Variants in LOXHD1 observed in about 807,000 individuals in gnomAD.
LOXHD1 encodes the protein lipoxygenase homology PLAT domains 1, also known as lipoxygenase homology domain-containing protein 1.
A neutral mutation model predicts 248.2 loss-of-function variants in LOXHD1; 205 were observed. The observed-to-expected ratio is 0.83, with a 90% CI of 0.74 to 0.93. The LOEUF (loss-of-function observed/expected upper bound fraction) is 0.93, where lower values mean the gene tolerates loss of function less well. Among genes scored for constraint, LOXHD1 ranks in the 40% least tolerant of loss-of-function variants. LOXHD1 has a pLI of 0.00. For synonymous variants in LOXHD1, 1,113 were observed against 1,162.8 expected (o/e 0.96, Z 0.87); for missense variants, 2,930 against 2,971.6 (o/e 0.99, Z 0.33).
intron 6 of LOXHD1, among the ~76,000 whole-genome samples, chr18:46,605,653 C>A (rs747518302): frequency 2.0e-5 from 3 of 152,040 alleles, no homozygotes; most frequent in Admixed American, 6.6e-5. Context: ...AGAGCTATAC[C>A]AGGACAGTAC....
intron 16 of LOXHD1, 140 bp from the exon 17 acceptor site, chr18:46,566,589 T>A: frequency 1.3e-6 from 1 of 762,046 alleles, no homozygotes; most frequent in Non-Finnish European, 2.1e-6. Flanking sequence ...ATGGGAAAGC[T>A]GGAATCCCAT....
chr18:46,568,359 T>C (rs527607420), intron 16 of LOXHD1, among the ~76,000 whole-genome samples: 1 of 152,324 alleles, frequency 6.6e-6, no homozygotes, highest in Non-Finnish European at 1.5e-5. Flanking sequence ...TCAAGGAAGA[T>C]TCTCACCTTG....
chr18:46,511,552 C>A (rs1026067649), intron 34 of LOXHD1, among the ~76,000 whole-genome samples: 1 of 152,234 alleles, frequency 6.6e-6, no homozygotes, highest in East Asian at 1.9e-4. Flanking sequence ...GCCCAGCAAC[C>A]ACTCCCTCAC....
rs1039382591 is a variant in LOXHD1, at chr18:46,477,765, T to C, written c.6529A>G (p.Thr2177Ala). ...GAGTDANVFV[T>A]IFGANGDTGK... The stretch of plus-strand genomic sequence containing the variant: ...GTGTCTCCGTTGGCCCCAAAGATGG[T>C]CACGAAGACGTTGGCATCAGTGCCT... The change falls in exon 41 of 41, where the codon ACC (threonine) becomes GCC (alanine). Residue 2177 changes from threonine to alanine, a missense_variant. Coordinates refer to ENST00000642948, the MANE Select transcript of LOXHD1 (RefSeq NM_001384474.1). The C allele has an allele frequency of 1.3e-6, 2 of 1,551,770 alleles. No homozygotes were observed. The highest frequency in any genetic ancestry group is 2.4e-5 in the East Asian group (1 of 40,934).
intron 37 of LOXHD1, among the ~76,000 whole-genome samples, chr18:46,490,406 A>G (rs1389781067): frequency 6.6e-6 from 1 of 152,254 alleles, no homozygotes; most frequent in Non-Finnish European, 1.5e-5. Context: ...TCTTCACTGA[A>G]GTGGAAAACA....
chr18:46,480,671 G>T (rs1187427107), intron 40 of LOXHD1, among the ~76,000 whole-genome samples: 1 of 152,094 alleles, frequency 6.6e-6, no homozygotes, highest in Non-Finnish European at 1.5e-5. Context: ...CAGAGTAAAG[G>T]CAAAAGCAGA....
chr18:46,631,950 G>A (rs2144359086), intron 4 of LOXHD1, among the ~76,000 whole-genome samples: 1 of 152,286 alleles, frequency 6.6e-6, no homozygotes, highest in South Asian at 2.1e-4. Context: ...GATGAATGCT[G>A]GAGAGAACAG....
At chr18:46,589,430 G>A (rs960473484) in intron 12 of LOXHD1, among the ~76,000 whole-genome samples, 5 of 152,060 alleles carry the variant, frequency 3.3e-5, no homozygotes, top group South Asian at 2.1e-4. Flanking sequence ...TTTCTTGTCC[G>A]TCCCCCTTCG....
rs1188682512 is a variant in LOXHD1 at position 46,594,383 on chromosome 18, C to A, written c.1218G>T (p.Leu406Phe). Residue 406 changes from leucine to phenylalanine, a missense_variant, in exon 9 of 41, where the codon TTG becomes TTT. Leu to Phe is a conservative substitution (Grantham distance 22). Coordinates refer to ENST00000642948, the MANE Select transcript of LOXHD1 (RefSeq NM_001384474.1). ...CCATCTCATAGAGCTGCCTCTCAAT[C>A]AACCCATCCGCTTTCTTCTCATCCA... ...NWLDEKKADG[L>F]IERQLYEMVS... The A allele has an allele frequency of 6.4e-7, 1 of 1,551,692 alleles. No individual in the cohort carries two copies. Among genetic ancestry groups the A allele is most frequent in the African/African-American group, 1.4e-5 (1 of 73,168 alleles).
At chr18:46,562,602 G>C (rs1489996977) in intron 18 of LOXHD1, among the ~76,000 whole-genome samples, 1 of 152,164 alleles carries the variant, frequency 6.6e-6, no homozygotes, top group African/African-American at 2.4e-5. Flanking sequence ...CATCAGGCTT[G>C]AGAGAACTGT....
chr18:46,514,968 C>A (rs1427466892), intron 34 of LOXHD1, among the ~76,000 whole-genome samples: 1 of 152,198 alleles, frequency 6.6e-6, no homozygotes, highest in Non-Finnish European at 1.5e-5. Context: ...CCTTTTAGGG[C>A]ATCATATTTT....
chr18:46,564,433 G>A (rs1409178849), intron 17 of LOXHD1, among the ~76,000 whole-genome samples: 5 of 152,166 alleles, frequency 3.3e-5, no homozygotes, highest in African/African-American at 1.2e-4. Context: ...TCAAGAGGCT[G>A]AGGCAGGGGG....
chr18:46,569,395 C>A (rs538493143), intron 16 of LOXHD1, 47 bp downstream of exon 16: 2 of 1,495,878 alleles, frequency 1.3e-6, no homozygotes, highest in South Asian at 2.5e-5. Context: ...AATGTGTGTT[C>A]GGAAATGGGT....
chr18:46,591,196 AC>A (rs1423618823), intron 12 of LOXHD1, among the ~76,000 whole-genome samples: 2 of 152,346 alleles, frequency 1.3e-5, no homozygotes, highest in East Asian at 3.9e-4. Flanking sequence ...ATGTTGCAAT[AC>A]TATTTTCCTG....
chr18:46,488,966 A>T lies in LOXHD1; in HGVS notation c.6049+6T>A. On this transcript the variant is annotated splice_donor_region_variant and intron_variant, in intron 38 of 40. Transcript: ENST00000642948. ...CCCTCCTGAGCCAATGATCTCCCCC[A>T]CATACTGGTCTCTTCCAGCTCATCA... 1 of 1,550,108 alleles carries T rather than the reference A, an allele frequency of 6.5e-7. No individual in the cohort carries two copies.
chr18:46,539,153 A>T (rs1389580975), intron 25 of LOXHD1, among the ~76,000 whole-genome samples: 3 of 152,144 alleles, frequency 2.0e-5, no homozygotes, highest in African/African-American at 7.2e-5. Context: ...ACTTTTGGGG[A>T]TGCTTGTTAA....
intron 1 of LOXHD1, among the ~76,000 whole-genome samples, chr18:46,654,533 C>G (rs1359521317): frequency 6.6e-6 from 1 of 152,216 alleles, no homozygotes; most frequent in Non-Finnish European, 1.5e-5. Context: ...AGCCTGCCCT[C>G]AAAGCATTGA....
intron 20 of LOXHD1, among the ~76,000 whole-genome samples, chr18:46,558,502 G>A (rs529824667): frequency 6.6e-6 from 1 of 152,250 alleles, no homozygotes; most frequent in African/African-American, 2.4e-5. Context: ...ATTTTTAAAG[G>A]AGAACACTGA....
chr18:46,600,604 AAAGGAAGG>A (rs59983848), intron 8 of LOXHD1, among the ~76,000 whole-genome samples: 106 of 138,018 alleles, frequency 7.7e-4, no homozygotes, highest in East Asian at 1.3e-3. Context: ...GTCCAAAAAA[AAAGGAAGG>A]AAGGAAGGAA....
Sources: allele counts gnomAD v4.1 joint callset (sites outside exome capture counted in the v4.1 genomes callset), GRCh38; gene constraint gnomAD v4.1.1; transcripts MANE v1.5; gene names NCBI Gene and HGNC (gene_info 2026-07-23, HGNC 2026-07-21).